The following TTC39A variants were observed in gnomAD, a reference collection of about 807,000 sequenced individuals.
TTC39A encodes tetratricopeptide repeat domain 39A.
TTC39A carries 46 observed loss-of-function variants against 82.3 expected under a neutral mutation model. The observed-to-expected ratio is 0.56, with a 90% CI of 0.44 to 0.71. TTC39A has a LOEUF of 0.71. TTC39A is among the 30% of genes least tolerant of loss of function. The pLI is 0.00. For synonymous variants in TTC39A, 254 were observed against 275.2 expected (o/e 0.92, Z 0.76); for missense variants, 543 against 712.9 (o/e 0.76, Z 2.71).
At chr1:51,290,755 G>A in intron 14 of TTC39A, 130 bp from the exon 15 acceptor site, 1 of 682,796 alleles carries the variant, frequency 1.5e-6, no homozygotes, top group South Asian at 1.9e-5. Flanking sequence ...TCCATGACAG[G>A]TCTCAGTCAG....
intron 1 of TTC39A, among the ~76,000 whole-genome samples, chr1:51,325,083 C>T (rs1413131736): frequency 2.6e-5 from 4 of 151,608 alleles, no homozygotes; most frequent in African/African-American, 9.7e-5. Context: ...GGAGAAACCC[C>T]GCCTCTACTA....
chr1:51,343,910 G>A (rs1646066181), intron 1 of TTC39A, among the ~76,000 whole-genome samples: 1 of 152,210 alleles, frequency 6.6e-6, no homozygotes, highest in African/African-American at 2.4e-5. Context: ...CCTATGGAAG[G>A]GTGTTAAAGC....
At chr1:51,315,700 C>T (rs1287618245) in intron 2 of TTC39A, among the ~76,000 whole-genome samples, 2 of 152,216 alleles carry the variant, frequency 1.3e-5, no homozygotes, top group East Asian at 1.9e-4. Context: ...TCAGCTCCTC[C>T]CACTCCAGCC....
At chr1:51,333,220 CA>C (rs748559262), upstream of TTC39A, among the ~76,000 whole-genome samples, 3,914 of 80,276 alleles carry the variant, frequency 0.049, 113 homozygotes, top group African/African-American at 0.16. Flanking sequence ...TCGCCCCCAC[CA>C]AAAAAAAAAA....
chr1:51,302,660 G>A (rs560716506), intron 9 of TTC39A, 87 bp from the exon 10 acceptor site: 7 of 1,389,324 alleles, frequency 5.0e-6, no homozygotes, highest in South Asian at 5.0e-5. Flanking sequence ...GGCTTCCCAG[G>A]GTCTCCCCCT....
intron 12 of TTC39A, chr1:51,299,424 AGGG>A (rs757762040): frequency 6.6e-6 from 1 of 152,244 alleles, no homozygotes; most frequent in African/African-American, 2.4e-5. Context: ...ATCCTGGCAG[AGGG>A]GGGCGCTGCC....
chr1:51,303,073 T>C lies in TTC39A; in HGVS notation c.763+11A>G. ...CAAACCCCAGGGCCCCAGGTCCCCC[T>C]GTACACCTACCGAGCACGAAGGTGA... On this transcript the variant is annotated intron_variant, in intron 9 of 17. Transcript: ENST00000680483. 6.3e-7 allele frequency: 1 copy of C among 1,578,420 alleles called. No homozygotes were observed. The highest frequency in any genetic ancestry group is 1.3e-5 in the African/African-American group (1 of 74,194).
upstream of TTC39A, among the ~76,000 whole-genome samples, chr1:51,332,504 G>A (rs1249591294): frequency 2.6e-5 from 4 of 152,162 alleles, no homozygotes; most frequent in South Asian, 6.2e-4. Context: ...CAAGTGATCC[G>A]CCTACCTTGG....
At position 51,287,979 on chromosome 1, in the gene TTC39A, G is replaced by T; in HGVS notation, c.*178C>A. On this transcript the variant is annotated 3_prime_UTR_variant, in exon 18 of 18. Coordinates refer to ENST00000680483, the MANE Select transcript of TTC39A (RefSeq NM_001297663.2). ...GCTCTGCCCTTGGCAAAGGCCCTTG[G>T]CTACACTGGTGAAAATGCCAGCTCG... 1 of 1,038,408 alleles carries T rather than the reference G, an allele frequency of 9.6e-7. No homozygotes were observed. Among genetic ancestry groups the T allele is most frequent in the African/African-American group, 1.6e-5 (1 of 62,350 alleles). 64.3% of individuals were successfully genotyped at this position (1,038,408 alleles called of 1,614,324 possible). A position where few individuals can be genotyped will look rare whatever the true frequency, so the allele number is the denominator to read the frequency against.
chr1:51,328,484 GC>G (rs1220366138), intron 1 of TTC39A, among the ~76,000 whole-genome samples: 1 of 152,200 alleles, frequency 6.6e-6, no homozygotes, highest in African/African-American at 2.4e-5. Flanking sequence ...CATGACACAT[GC>G]TATAGGACTC....
At chr1:51,290,206 A>G in intron 15 of TTC39A, 87 bp from the exon 16 acceptor site, 3 of 1,233,366 alleles carry the variant, frequency 2.4e-6, no homozygotes, top group Non-Finnish European at 3.5e-6. Context: ...TGCTAGGTCA[A>G]AGGGACACAG....
intron 2 of TTC39A, 124 bp from the exon 3 acceptor site, chr1:51,313,067 C>A: frequency 7.5e-7 from 1 of 1,333,306 alleles, no homozygotes; most frequent in Non-Finnish European, 1.0e-6. Flanking sequence ...GGTCCAGGCA[C>A]GGGGAGGGCC....
intron 13 of TTC39A, 53 bp downstream of exon 13, chr1:51,296,026 C>CGGCCTACACGGTGGGAGT (rs1230996102): frequency 7.8e-6 from 12 of 1,536,958 alleles, no homozygotes; most frequent in Middle Eastern, 3.3e-4. Context: ...CTGTCCATAG[C>CGGCCTACACGGTGGGAGT]GGCCTACACG....
chr1:51,294,522 GAT>G lies in TTC39A; in HGVS notation c.1146-13_1146-12del. 6.2e-7 allele frequency: 1 copy of G among 1,613,818 alleles called. No individual in the cohort carries two copies. The highest frequency in any genetic ancestry group is 8.5e-7 in the Non-Finnish European group (1 of 1,179,854). On this transcript the variant is annotated splice_polypyrimidine_tract_variant and intron_variant, in intron 13 of 17. Transcript: ENST00000680483. This position sits in a 1 kb window ranked among gnomAD's most constrained non-coding sequence, Gnocchi z 4.3. ...AGGCCTGGCACAGCTCTGCGAAAGA[GAT>G]GGGGAGGGTGGGAGAGGATGAAAAA...
chr1:51,301,036 C>T (rs1644632174), intron 12 of TTC39A: 1 of 152,494 alleles, frequency 6.6e-6, no homozygotes, highest in Admixed American at 6.5e-5. Context: ...AAGACCAAGC[C>T]AGACGACATC....
chr1:51,320,160 G>C (rs928691341), intron 2 of TTC39A, among the ~76,000 whole-genome samples: 1 of 152,024 alleles, frequency 6.6e-6, no homozygotes, highest in Non-Finnish European at 1.5e-5. Context: ...AATGAGGGGG[G>C]TACTGAGTGC....
At chr1:51,305,247 G>C in intron 7 of TTC39A, 101 bp from the exon 8 acceptor site, 1 of 1,173,676 alleles carries the variant, frequency 8.5e-7, no homozygotes, top group East Asian at 2.4e-5. Flanking sequence ...TTACCTGGAG[G>C]GGAGAGGGCC....
At position 51,321,689 on chromosome 1, in the gene TTC39A, A is replaced by T. The variant is rs1645525377; in HGVS notation, c.146+32T>A. 3.1e-6 allele frequency: 5 copies of T among 1,602,802 alleles called. No homozygotes were observed. In the East Asian group the frequency reaches 1.1e-4, roughly 36 times the overall value. On this transcript the variant is annotated intron_variant, in intron 2 of 17. Coordinates refer to ENST00000680483, the MANE Select transcript of TTC39A (RefSeq NM_001297663.2). This position sits in a 1 kb window ranked among gnomAD's most constrained non-coding sequence, Gnocchi z 4.6. ...CTGGTTCTCCCTGACCGTCATGCAC[A>T]CCCCCTACCCCAACCGGGGCTTGAG...
At chr1:51,302,980 C>A in intron 9 of TTC39A, 104 bp downstream of exon 9, 1 of 1,059,604 alleles carries the variant, frequency 9.4e-7, no homozygotes, top group South Asian at 1.6e-5. Flanking sequence ...TTTCAGTACC[C>A]CTATCCCTAG....
Sources: gnomAD v4.1 joint callset for allele counts (sites outside exome capture counted in the v4.1 genomes callset) on GRCh38, gnomAD v4.1.1 for gene constraint, Gnocchi (gnomAD v3.1) non-coding constraint, MANE v1.5 for transcripts, NCBI Gene and HGNC (gene_info 2026-07-23, HGNC 2026-07-21) for gene names.